Variants in SPMAP2L observed in about 807,000 individuals in gnomAD.
SPMAP2L encodes sperm microtubule associated protein 2 like, also known as sperm microtubule associated protein 2-like.
chr4:56,536,179 C>A, the SPMAP2L span, among the ~76,000 whole-genome samples: 19 of 152,202 alleles, frequency 1.2e-4, no homozygotes. Context: ...GTTGGGAACC[C>A]CTGCTCTAAA....
chr4:56,623,746 T>G, the SPMAP2L span, among the ~76,000 whole-genome samples: 5 of 152,172 alleles, frequency 3.3e-5, no homozygotes, highest in African/African-American at 1.2e-4. Context: ...CACTGCCATG[T>G]AAGAAGTGCC....
At chr4:56,554,553 T>C in the SPMAP2L span, among the ~76,000 whole-genome samples, 1 of 152,346 alleles carries the variant, frequency 6.6e-6, no homozygotes, top group Admixed American at 6.5e-5. Context: ...TTGTATGTTT[T>C]GGATGCCAGT....
chr4:56,572,400 G>A, the SPMAP2L span, among the ~76,000 whole-genome samples: 3 of 152,170 alleles, frequency 2.0e-5, no homozygotes, highest in Non-Finnish European at 2.9e-5. Flanking sequence ...TCATTACACG[G>A]TGCTTGACTG....
chr4:56,539,587 A>G, the SPMAP2L span, among the ~76,000 whole-genome samples: 2 of 151,952 alleles, frequency 1.3e-5, no homozygotes, highest in African/African-American at 2.4e-5. Context: ...ACACCCAGCT[A>G]ATTTTTGTAT....
At chr4:56,531,485 A>G in the SPMAP2L span, among the ~76,000 whole-genome samples, 1 of 152,138 alleles carries the variant, frequency 6.6e-6, no homozygotes, top group Non-Finnish European at 1.5e-5. Flanking sequence ...ACAGTTAGTC[A>G]TTGCATCCCT....
chr4:56,618,660 T>G, the SPMAP2L span, among the ~76,000 whole-genome samples: 6 of 152,176 alleles, frequency 3.9e-5, no homozygotes, highest in Non-Finnish European at 7.4e-5. Context: ...TACCTCCCAC[T>G]TGGTCCCTCC....
the SPMAP2L span, among the ~76,000 whole-genome samples, chr4:56,598,912 G>A: frequency 3.3e-5 from 5 of 152,046 alleles, no homozygotes; most frequent in African/African-American, 1.2e-4. Context: ...TAGTTAGTGA[G>A]TTCTCATGAG....
At chr4:56,573,895 C>A in the SPMAP2L span, among the ~76,000 whole-genome samples, 1 of 152,114 alleles carries the variant, frequency 6.6e-6, no homozygotes, top group Non-Finnish European at 1.5e-5. Flanking sequence ...CCAGTTCAGC[C>A]TAGATGTAAA....
chr4:56,589,172 C>G, the SPMAP2L span, among the ~76,000 whole-genome samples: 1 of 151,486 alleles, frequency 6.6e-6, no homozygotes, highest in Admixed American at 6.6e-5. Context: ...TATTTTTAGT[C>G]GAGGCAGAGT....
At chr4:56,580,367 C>T in the SPMAP2L span, among the ~76,000 whole-genome samples, 1 of 151,606 alleles carries the variant, frequency 6.6e-6, no homozygotes, top group East Asian at 1.9e-4. Flanking sequence ...ATGAAAAAAA[C>T]AAAAACTACA....
At chr4:56,530,613 A>T in the SPMAP2L span, 1 of 1,494,942 alleles carries the variant, frequency 6.7e-7, no homozygotes, top group Non-Finnish European at 8.9e-7. Context: ...CGCAGAGAGC[A>T]AACTGCGCCT....
At chr4:56,566,700 T>TG in the SPMAP2L span, among the ~76,000 whole-genome samples, 1 of 84,288 alleles carries the variant, frequency 1.2e-5, no homozygotes, top group Non-Finnish European at 2.3e-5. Flanking sequence ...TTTTTCTTTT[T>TG]TTTTTTTTTT....
At chr4:56,592,940 G>A in the SPMAP2L span, 4 of 1,604,862 alleles carry the variant, frequency 2.5e-6, no homozygotes, top group Non-Finnish European at 1.7e-6. Context: ...CGAGAAGACG[G>A]TCCCTGCCAA....
At chr4:56,624,275 T>C in the SPMAP2L span, among the ~76,000 whole-genome samples, 1 of 152,172 alleles carries the variant, frequency 6.6e-6, no homozygotes, top group Non-Finnish European at 1.5e-5. Flanking sequence ...ATTCAAAAGT[T>C]GACTTGGGTG....
At chr4:56,550,444 G>T in the SPMAP2L span, among the ~76,000 whole-genome samples, 1 of 152,056 alleles carries the variant, frequency 6.6e-6, no homozygotes, top group Admixed American at 6.6e-5. Flanking sequence ...AGATTTTACC[G>T]AGAGAAAATG....
the SPMAP2L span, among the ~76,000 whole-genome samples, chr4:56,596,936 G>A: frequency 2.6e-5 from 4 of 152,218 alleles, no homozygotes; most frequent in Non-Finnish European, 4.4e-5. Flanking sequence ...GATGCCTACT[G>A]TGAGCCAGGC....
At chr4:56,572,298 A>G in the SPMAP2L span, among the ~76,000 whole-genome samples, 128 of 152,334 alleles carry the variant, frequency 8.4e-4, 1 homozygote, top group Non-Finnish European at 1.2e-3. Flanking sequence ...TGATGTTATG[A>G]TGGCTACAAC....
the SPMAP2L span, chr4:56,548,744 AT>A: frequency 7.4e-7 from 1 of 1,346,256 alleles, no homozygotes. Context: ...CATATCTTTG[AT>A]TCCTGTTGAA....
chr4:56,563,787 T>C, the SPMAP2L span, among the ~76,000 whole-genome samples: 10 of 152,340 alleles, frequency 6.6e-5, no homozygotes, highest in African/African-American at 2.4e-4. Flanking sequence ...TAAGTATGTA[T>C]GTGATGCAAT....
Sources: gnomAD v4.1 joint callset for allele counts (sites outside exome capture counted in the v4.1 genomes callset) on GRCh38, gnomAD v4.1.1 for gene constraint, MANE v1.5 for transcripts, NCBI Gene and HGNC (gene_info 2026-07-23, HGNC 2026-07-21) for gene names.